Variants in MYO5B observed in about 807,000 individuals in gnomAD.
MYO5B encodes the protein myosin VB.
In MYO5B, 143 loss-of-function variants were observed where a neutral mutation model predicts 229.3. The observed-to-expected ratio is 0.62, with a 90% CI of 0.54 to 0.72. The LOEUF is 0.72. Among genes scored for constraint, MYO5B ranks in the 30% least tolerant of loss-of-function variants. The pLI is 0.00. For synonymous variants in MYO5B, 918 were observed against 885.2 expected (o/e 1.04, Z -0.66); for missense variants, 2,321 against 2,331.0 (o/e 1.00, Z 0.09).
intron 1 of MYO5B, among the ~76,000 whole-genome samples, chr18:50,086,597 C>G (rs2031334926): frequency 6.6e-6 from 1 of 152,224 alleles, no homozygotes. Context: ...GTACCATACA[C>G]TGTGCAGGCA....
At chr18:50,124,548 C>T (rs2032125785) in intron 1 of MYO5B, among the ~76,000 whole-genome samples, 1 of 151,856 alleles carries the variant, frequency 6.6e-6, no homozygotes, top group African/African-American at 2.4e-5. Context: ...AAGAAAACAA[C>T]AACAACAAAA....
At chr18:49,868,986 G>A (rs1367723772) in intron 27 of MYO5B, among the ~76,000 whole-genome samples, 1 of 152,188 alleles carries the variant, frequency 6.6e-6, no homozygotes, top group Non-Finnish European at 1.5e-5. Context: ...ACTTGTCAAG[G>A]TGTCTTCCTA....
intron 38 of MYO5B, among the ~76,000 whole-genome samples, chr18:49,835,711 T>G (rs1203451440): frequency 6.6e-6 from 1 of 152,236 alleles, no homozygotes; most frequent in Admixed American, 6.5e-5. Flanking sequence ...GAGTTTAGAA[T>G]GCAGTTGCCT....
intron 22 of MYO5B, among the ~76,000 whole-genome samples, chr18:49,890,420 A>G (rs1276908841): frequency 2.6e-5 from 4 of 152,188 alleles, no homozygotes; most frequent in Admixed American, 6.5e-5. Context: ...AACATTACTC[A>G]GTGTTTCTTC....
intron 17 of MYO5B, among the ~76,000 whole-genome samples, chr18:49,926,246 AT>A (rs2025127457): frequency 6.6e-6 from 1 of 152,210 alleles, no homozygotes; most frequent in South Asian, 2.1e-4. Context: ...TAAATTCCTA[AT>A]TCCATCTGCA....
chr18:50,077,502 A>ACAC (rs2031114450), intron 1 of MYO5B, among the ~76,000 whole-genome samples: 11 of 133,608 alleles, frequency 8.2e-5, no homozygotes, highest in Middle Eastern at 7.6e-3. Flanking sequence ...CACACACACA[A>ACAC]ACACACACAC....
intron 22 of MYO5B, among the ~76,000 whole-genome samples, chr18:49,886,833 C>T (rs1289429287): frequency 6.6e-6 from 1 of 152,110 alleles, no homozygotes; most frequent in East Asian, 1.9e-4. Flanking sequence ...TAGTATGACA[C>T]AGGGCAAGGC....
Position 49,928,058 on chromosome 18 carries a change from G to A in MYO5B, c.2090+1454C>T, listed in dbSNP as rs543771556. On this transcript the variant is annotated intron_variant, in intron 17 of 39. Transcript: ENST00000285039. ...AGTAGCACAGAAAAAAAACCATCCC[G>A]TCAAAAAGTGGGCTAAGGACATGAG... Among the ~76,000 whole-genome samples, 30 of 151,994 alleles carry A rather than the reference G, an allele frequency of 2.0e-4. No individual in the cohort carries two copies. The South Asian group carries it at 5.4e-3, about 27-fold the overall frequency.
chr18:50,124,902 C>T (rs148142934), intron 1 of MYO5B, among the ~76,000 whole-genome samples: 117 of 152,122 alleles, frequency 7.7e-4, no homozygotes, highest in African/African-American at 2.7e-3. Flanking sequence ...TTTCCCCAGA[C>T]TGGGAGAGGA....
At chr18:50,079,487 G>A (rs115893751) in intron 1 of MYO5B, among the ~76,000 whole-genome samples, 1 of 152,184 alleles carries the variant, frequency 6.6e-6, no homozygotes, top group Non-Finnish European at 1.5e-5. Context: ...AAGACAGAGT[G>A]CTCCAAAATA....
intron 14 of MYO5B, among the ~76,000 whole-genome samples, chr18:49,950,494 T>C (rs745532078): frequency 6.6e-6 from 1 of 152,206 alleles, no homozygotes; most frequent in African/African-American, 2.4e-5. Flanking sequence ...AGGATATTCA[T>C]TGCTACATTA....
In MYO5B at chr18:50,040,190, T is replaced by G; in HGVS notation, c.263A>C (p.Asn88Thr). The G allele has an allele frequency of 1.9e-6, 3 of 1,614,080 alleles. No homozygotes were observed. Among genetic ancestry groups the G allele is most frequent in the Non-Finnish European group, 2.5e-6 (3 of 1,180,004 alleles). Residue 88 changes from asparagine (N) to threonine (T), a missense_variant, in exon 3 of 40, where the codon AAT (asparagine) becomes ACT (threonine). By Grantham distance (65) the Asn-to-Thr change is moderately conservative. Coordinates refer to ENST00000285039, the MANE Select transcript of MYO5B (RefSeq NM_001080467.3). ...SYLHEPAVLHNLKVRFLESNH... is the reference protein window; with the variant it reads ...SYLHEPAVLHTLKVRFLESNH... ...GGACTCCAGGAAACGGACCTTCAAA[T>G]TATGCAAAACTGCAGGCTCATGAAG...
chr18:50,082,412 T>G (rs1288093288), intron 1 of MYO5B, among the ~76,000 whole-genome samples: 1 of 152,244 alleles, frequency 6.6e-6, no homozygotes, highest in Admixed American at 6.5e-5. Flanking sequence ...TCCAAATATG[T>G]GAACAGAGAA....
At chr18:49,872,742 A>T (rs748737680) in intron 26 of MYO5B, among the ~76,000 whole-genome samples, 1 of 152,180 alleles carries the variant, frequency 6.6e-6, no homozygotes. Flanking sequence ...GATGGCCAAA[A>T]ACATGGGAAG....
chr18:49,886,074 G>C (rs1385712573), intron 22 of MYO5B, among the ~76,000 whole-genome samples: 1 of 152,124 alleles, frequency 6.6e-6, no homozygotes, highest in Non-Finnish European at 1.5e-5. Flanking sequence ...TGAGTAGCTA[G>C]GACTACAGGT....
In MYO5B at chr18:50,061,547, A is replaced by G. The variant is rs148929717; in HGVS notation, c.28-6169T>C. The stretch of plus-strand genomic sequence containing the variant: ...ACCTTAAAAATCAATACCTACTTCT[A>G]GCCTACTTCTACTCCAAAAACCTGA... On this transcript the variant is annotated intron_variant, in intron 1 of 39. Coordinates refer to ENST00000285039, the MANE Select transcript of MYO5B (RefSeq NM_001080467.3). Among the ~76,000 whole-genome samples, 528 of 152,318 alleles carry G rather than the reference A, an allele frequency of 3.5e-3. 2 individuals are homozygous for G. Among genetic ancestry groups the G allele is most frequent in the Non-Finnish European group, 6.4e-3 (435 of 68,020 alleles).
intron 1 of MYO5B, among the ~76,000 whole-genome samples, chr18:50,093,336 G>A (rs2031488314): frequency 6.6e-6 from 1 of 152,110 alleles, no homozygotes; most frequent in Admixed American, 6.6e-5. Context: ...AGAGCAACTT[G>A]ATCCAGTCAT....
chr18:49,992,459 GA>G (rs752586784), intron 5 of MYO5B, 28 bp from the exon 6 acceptor site: 66 of 1,596,966 alleles, frequency 4.1e-5, no homozygotes, highest in East Asian at 1.6e-4. Flanking sequence ...ACAAAGGTAT[GA>G]AAAAAAAAGA....
At chr18:50,098,284 A>G (rs1326073228) in intron 1 of MYO5B, among the ~76,000 whole-genome samples, 3 of 152,140 alleles carry the variant, frequency 2.0e-5, no homozygotes, top group Non-Finnish European at 4.4e-5. Context: ...TTTATCTTAT[A>G]GGTGTATTGT....
Sources: gnomAD v4.1 joint callset for allele counts (sites outside exome capture counted in the v4.1 genomes callset) on GRCh38, gnomAD v4.1.1 for gene constraint, MANE v1.5 for transcripts, NCBI Gene and HGNC (gene_info 2026-07-23, HGNC 2026-07-21) for gene names.